PANK2: variants seen among roughly 807,000 people sequenced by gnomAD.
The protein encoded by PANK2 is pantothenate kinase 2, also known as pantothenate kinase 2, mitochondrial.
PANK2 carries 36 observed loss-of-function variants against 43.1 expected under a neutral mutation model. That is an observed-to-expected ratio of 0.84 (90% CI 0.64 to 1.10). The LOEUF (loss-of-function observed/expected upper bound fraction) is 1.10. Among genes scored for constraint, PANK2 ranks in the 50% least tolerant of loss-of-function variants. The pLI, the probability that PANK2 is intolerant of heterozygous loss-of-function variation, is 0.00. For synonymous variants in PANK2, 281 were observed against 238.2 expected (o/e 1.18, Z -1.66); for missense variants, 576 against 593.3 (o/e 0.97, Z 0.30).
At chr20:3,912,660 A>C (rs1209241210) in intron 4 of PANK2, 26 bp downstream of exon 4, 16 of 1,612,054 alleles carry the variant, frequency 9.9e-6, no homozygotes, top group Non-Finnish European at 1.4e-5. Context: ...TGTTCTAAGA[A>C]ATACAGGCGG....
intron 6 of PANK2, among the ~76,000 whole-genome samples, chr20:3,919,413 T>G (rs2090614633): frequency 6.6e-6 from 1 of 152,236 alleles, no homozygotes; most frequent in Non-Finnish European, 1.5e-5. Context: ...GTCATTACTC[T>G]GGGTTCTGGT....
chr20:3,917,350 C>A (rs998319558), intron 5 of PANK2: 3 of 465,948 alleles, frequency 6.4e-6, no homozygotes, highest in Non-Finnish European at 8.8e-6. Flanking sequence ...TGATGGATAA[C>A]GATGCTGAAT....
chr20:3,915,654 T>C (rs1428413439), intron 4 of PANK2, among the ~76,000 whole-genome samples: 1 of 152,212 alleles, frequency 6.6e-6, no homozygotes, highest in Non-Finnish European at 1.5e-5. Flanking sequence ...TTTTTGTGTA[T>C]GGTGTGAGGT....
Position 3,923,344 on chromosome 20 carries a change from A to T in PANK2, c.*50A>T, listed in dbSNP as rs2090676469. The T allele has an allele frequency of 6.3e-7, 1 of 1,587,528 alleles. No homozygotes were observed. The highest frequency in any genetic ancestry group is 8.6e-7 in the Non-Finnish European group (1 of 1,156,102). ...AAACCTTCCACAATGGGATCTGTGG[A>T]CTTTCATTTTTTTAAGAGACTTACT... On this transcript the variant is annotated 3_prime_UTR_variant, in exon 7 of 7. Transcript: ENST00000610179.
rs1046729224 is a variant in PANK2 at position 3,893,924 on chromosome 20, G to GTTTT, written c.298+4199_298+4202dup. On this transcript the variant is annotated intron_variant, in intron 1 of 6. Coordinates refer to ENST00000610179, the MANE Select transcript of PANK2 (RefSeq NM_001386393.1). ...CAAGATGGGAGTTTTTTTTTTGTTT[G>GTTTT]TTTTTTGTTTTTTTTTTTTTTTTTT... Among the ~76,000 whole-genome samples, 87 of 124,894 alleles carry GTTTT rather than the reference G, an allele frequency of 7.0e-4. 1 individual carries two copies. Among genetic ancestry groups the GTTTT allele is most frequent in the African/African-American group, 2.1e-3 (64 of 30,580 alleles). The allele number at this position is 124,894 out of a possible 152,430, so 81.9% of individuals were successfully genotyped here.
chr20:3,923,160 GGCTTTAACACT>G, intron 6 of PANK2, 73 bp from the exon 7 acceptor site: 6 of 1,478,176 alleles, frequency 4.1e-6, no homozygotes, highest in Non-Finnish European at 4.7e-6. Flanking sequence ...GGCAGTGGTT[GGCTTTAACACT>G]AGTCATCATG....
chr20:3,888,948 C>CTA, upstream of PANK2: 1 of 572,508 alleles, frequency 1.7e-6, no homozygotes. Flanking sequence ...CGACCAGCGG[C>CTA]CAGACGCTGC....
intron 3 of PANK2, among the ~76,000 whole-genome samples, chr20:3,911,589 A>AG (rs2090469165): frequency 1.3e-5 from 2 of 150,400 alleles, no homozygotes; most frequent in Admixed American, 1.3e-4. Flanking sequence ...GTCTCAAAAA[A>AG]AAAAGAAAAG....
intron 6 of PANK2, among the ~76,000 whole-genome samples, chr20:3,919,712 T>G (rs924942382): frequency 6.6e-6 from 1 of 151,426 alleles, no homozygotes; most frequent in African/African-American, 2.4e-5. Flanking sequence ...CCTTCTTGGT[T>G]GTGGGGCAGT....
rs2090740136 is a variant in PANK2, at chr20:3,927,462, T to C, written c.*4168T>C. 2 of 152,354 alleles carry C rather than the reference T, an allele frequency of 1.3e-5. No homozygotes were observed. Among genetic ancestry groups the C allele is most frequent in the East Asian group, 1.9e-4 (1 of 5,192 alleles). The allele number at this position is 152,354 out of a possible 1,614,324, so 9.4% of individuals were successfully genotyped here. A position where few individuals can be genotyped will look rare whatever the true frequency, so the allele number is the denominator to read the frequency against. On this transcript the variant is annotated 3_prime_UTR_variant, in exon 7 of 7. Transcript: ENST00000610179. ...AAAAAACTGCGAATGTTTAAAAATA[T>C]TCTGCTGCAGAATTTTTAGTGTACA...
intron 1 of PANK2, among the ~76,000 whole-genome samples, chr20:3,894,479 A>T (rs558088269): frequency 6.6e-6 from 1 of 152,004 alleles, no homozygotes; most frequent in South Asian, 2.1e-4. Flanking sequence ...ACCTCCGGTG[A>T]TCTGCCCACC....
At chr20:3,911,748 G>A (rs775350479) in intron 3 of PANK2, among the ~76,000 whole-genome samples, 9 of 152,112 alleles carry the variant, frequency 5.9e-5, no homozygotes, top group East Asian at 1.9e-4. Context: ...AAAATTAGCC[G>A]GGCGTGGTGG....
intron 1 of PANK2, among the ~76,000 whole-genome samples, chr20:3,900,381 A>C (rs1037157203): frequency 1.3e-5 from 2 of 151,632 alleles, no homozygotes; most frequent in African/African-American, 4.8e-5. Flanking sequence ...CTGGTCTTGA[A>C]ACAAGGTATG....
intron 1 of PANK2, among the ~76,000 whole-genome samples, chr20:3,899,323 C>T (rs781192313): frequency 2.1e-4 from 32 of 151,816 alleles, no homozygotes; most frequent in Non-Finnish European, 3.8e-4. Context: ...AGGCATGTGC[C>T]ACCATGCCCG....
At position 3,917,028 on chromosome 20, in the gene PANK2, C is replaced by A; in HGVS notation, c.1184C>A (p.Ala395Glu). 7 of 1,613,978 alleles carry A rather than the reference C, an allele frequency of 4.3e-6. No homozygotes were observed. Among genetic ancestry groups the A allele is most frequent in the Non-Finnish European group, 5.9e-6 (7 of 1,179,970 alleles). ...ATCACCAACAACATTGGCTCAATAGCAAGAATGTGTGCCCTTAATGAAGTA... is the reference window on the plus strand; with the variant it reads ...ATCACCAACAACATTGGCTCAATAGAAAGAATGTGTGCCCTTAATGAAGTA... The change falls in exon 5 of 7, where the codon GCA (alanine) becomes GAA (glutamate). Residue 395 changes from alanine (A) to glutamate (E), a missense_variant. Coordinates refer to ENST00000610179, the MANE Select transcript of PANK2 (RefSeq NM_001386393.1).
Position 3,928,672 on chromosome 20 carries a change from T to G in PANK2, c.*5378T>G, listed in dbSNP as rs1169123961. ...CCGAGGCGGGAGAATGGCGTGAACCTGGGAGGCGGAGCTTGCAGTGGGCCA... is the reference window on the plus strand; with the variant it reads ...CCGAGGCGGGAGAATGGCGTGAACCGGGGAGGCGGAGCTTGCAGTGGGCCA... On this transcript the variant is annotated 3_prime_UTR_variant, in exon 7 of 7. Coordinates refer to ENST00000610179, the MANE Select transcript of PANK2 (RefSeq NM_001386393.1). 8.0e-6 allele frequency: 1 copy of G among 125,000 alleles called. No individual in the cohort carries two copies. The highest frequency in any genetic ancestry group is 1.6e-5 in the Non-Finnish European group (1 of 62,610). 7.7% of individuals were successfully genotyped at this position (125,000 alleles called of 1,614,324 possible). A position where few individuals can be genotyped will look rare whatever the true frequency, so the allele number is the denominator to read the frequency against.
At chr20:3,889,159 C>T (rs867957905), upstream of PANK2, 11 of 1,596,876 alleles carry the variant, frequency 6.9e-6, no homozygotes, top group South Asian at 2.3e-5. Flanking sequence ...CCATCACTCT[C>T]TTCTGGGCTA....
intron 1 of PANK2, among the ~76,000 whole-genome samples, chr20:3,898,310 C>G (rs1278812225): frequency 6.6e-6 from 1 of 152,030 alleles, no homozygotes; most frequent in East Asian, 1.9e-4. Flanking sequence ...AGCAATTCTC[C>G]TGCCTCAGCC....
chr20:3,913,168 C>G (rs1040757557), intron 4 of PANK2, among the ~76,000 whole-genome samples: 1 of 152,050 alleles, frequency 6.6e-6, no homozygotes, highest in African/African-American at 2.4e-5. Context: ...CCATTCCCCC[C>G]ACAGCCCCTG....
Sources: gnomAD v4.1 joint callset for allele counts (sites outside exome capture counted in the v4.1 genomes callset) on GRCh38, gnomAD v4.1.1 for gene constraint, MANE v1.5 for transcripts, NCBI Gene and HGNC (gene_info 2026-07-23, HGNC 2026-07-21) for gene names.